The following CRAMP1 variants were observed in gnomAD, a reference collection of about 807,000 sequenced individuals.
The protein encoded by CRAMP1 is cramped chromatin regulator 1.
In CRAMP1, 50 loss-of-function variants were observed where a neutral mutation model predicts 115.4. The ratio of observed to expected loss-of-function variants is 0.43; its 90% CI spans 0.35 to 0.55. CRAMP1 has a LOEUF of 0.55. CRAMP1 is among the 20% of genes least tolerant of loss of function. CRAMP1 has a pLI of 0.01. For missense variants in CRAMP1, 1,679 were observed against 1,721.7 expected (o/e 0.98, Z 0.44); for synonymous variants, 866 against 745.4 (o/e 1.16, Z -2.64).
At chr16:1,640,725 A>T (rs148359951) in intron 5 of CRAMP1, among the ~76,000 whole-genome samples, 2 of 152,310 alleles carry the variant, frequency 1.3e-5, no homozygotes, top group Non-Finnish European at 2.9e-5. Flanking sequence ...TCAACACCGG[A>T]CACTGTCAGT....
chr16:1,666,235 T>TG lies in CRAMP1; in HGVS notation c.2857+59dup, dbSNP rs1355233134. 1 of 1,327,462 alleles carries TG rather than the reference T, an allele frequency of 7.5e-7. No individual in the cohort carries two copies. The highest frequency in any genetic ancestry group is 2.0e-5 in the Admixed American group (1 of 50,656). 82.2% of individuals were successfully genotyped at this position (1,327,462 alleles called of 1,614,324 possible). On this transcript the variant is annotated intron_variant, in intron 15 of 20. Transcript: ENST00000397412. This position sits in a 1 kb window ranked among gnomAD's most constrained non-coding sequence, Gnocchi z 5.0. ...AGTGAGCCTCTGAGGGATGTTTTTG[T>TG]GACCAGGTTTTTTGAATGTTTTCTT...
Position 1,652,598 on chromosome 16 carries a change from C to G in CRAMP1, c.913+17C>G. On this transcript the variant is annotated intron_variant, in intron 7 of 20. Transcript: ENST00000397412. ...ATCCAGATGGTAAGTGAATGGGGCG[C>G]TCCCGGGACCAGAGGCGGTGCCCAT... 1 of 1,549,606 alleles carries G rather than the reference C, an allele frequency of 6.5e-7. No individual in the cohort carries two copies. Among genetic ancestry groups the G allele is most frequent in the Non-Finnish European group, 8.7e-7 (1 of 1,145,160 alleles).
rs2036773193 is a variant in CRAMP1 at position 1,656,313 on chromosome 16, C to T, written c.1556C>T (p.Thr519Ile). The T allele has an allele frequency of 6.2e-7, 1 of 1,611,810 alleles. No individual in the cohort carries two copies. Among genetic ancestry groups the T allele is most frequent in the Non-Finnish European group, 8.5e-7 (1 of 1,179,540 alleles). ...AGGCCTCCTCCCAGGCACCAGGACA[C>T]TGGGCCATGTCTTGAGAAGACCCCT... ...PDRPPPRHQD[T>I]GPCLEKTPAE... The change falls in exon 10 of 21, where the codon ACT becomes ATT. Residue 519 changes from threonine to isoleucine, a missense_variant. By Grantham distance (89) the Thr-to-Ile change is moderately conservative (BLOSUM62 -1). This residue lies in a region of CRAMP1 where 405 missense variants were observed against 302.6 expected (regional missense o/e 1.34). Transcript: ENST00000397412. This position sits in a 1 kb window ranked among gnomAD's most constrained non-coding sequence, Gnocchi z 5.6.
At chr16:1,652,659 G>A (rs561289592) in intron 7 of CRAMP1, 78 bp downstream of exon 7, 228 of 1,302,570 alleles carry the variant, frequency 1.8e-4, no homozygotes, top group Middle Eastern at 2.4e-4. Flanking sequence ...CTGAGCTACC[G>A]GGTTGCTGCC....
chr16:1,643,446 C>T (rs1258715546), intron 6 of CRAMP1, among the ~76,000 whole-genome samples: 1 of 151,860 alleles, frequency 6.6e-6, no homozygotes, highest in Non-Finnish European at 1.5e-5. Flanking sequence ...GAGGCTGAGG[C>T]AGGAGAATCG....
intron 2 of CRAMP1, among the ~76,000 whole-genome samples, chr16:1,616,793 A>T (rs1317488189): frequency 6.6e-6 from 1 of 151,570 alleles, no homozygotes; most frequent in African/African-American, 2.4e-5. Context: ...CATATCCATT[A>T]TCCCACTTTA....
chr16:1,614,575 C>T lies in CRAMP1; in HGVS notation c.-1-64C>T, dbSNP rs533763932. 34 of 1,028,848 alleles carry T rather than the reference C, an allele frequency of 3.3e-5. No individual in the cohort carries two copies. The South Asian group carries it at 1.5e-3, about 47-fold the overall frequency. The allele number at this position is 1,028,848 out of a possible 1,614,324, so 63.7% of individuals were successfully genotyped here. On this transcript the variant is annotated intron_variant, in intron 1 of 20. Transcript: ENST00000397412. The surrounding 1 kb of genome is among the most constrained non-coding windows in gnomAD (Gnocchi z 4.4). ...AACGGCGGCCATGTTGAGAGCGCGT[C>T]GGGGCCGCTAAACTTCCCGGCCTGC...
At chr16:1,620,806 C>A in intron 2 of CRAMP1, 1 of 419,828 alleles carries the variant, frequency 2.4e-6, no homozygotes, top group South Asian at 1.6e-5. Context: ...CGCTGCTTGG[C>A]TTTCAGAGCT....
intron 8 of CRAMP1, among the ~76,000 whole-genome samples, chr16:1,655,012 T>G (rs906918437): frequency 2.6e-5 from 4 of 152,248 alleles, no homozygotes; most frequent in Admixed American, 2.0e-4. Context: ...TTTCTTTAGC[T>G]CTGTGTGAAT....
In CRAMP1 at chr16:1,676,298, G is replaced by A. The variant is rs2036967219; in HGVS notation, c.*2253G>A. Reference sequence around the variant, plus strand: ...CAGTGGGGAGATGGGTTAGGGAGGAGGACGGGCTGACTCCTCTCCTGTAAT... The same window carrying A: ...CAGTGGGGAGATGGGTTAGGGAGGAAGACGGGCTGACTCCTCTCCTGTAAT... On this transcript the variant is annotated 3_prime_UTR_variant, in exon 21 of 21. Transcript: ENST00000397412. 6.6e-6 allele frequency: 1 copy of A among 152,388 alleles called. No individual in the cohort carries two copies. Among genetic ancestry groups the A allele is most frequent in the African/African-American group, 2.4e-5 (1 of 41,300 alleles). 9.4% of individuals were successfully genotyped at this position (152,388 alleles called of 1,614,324 possible). A position where few individuals can be genotyped will look rare whatever the true frequency, so the allele number is the denominator to read the frequency against.
At chr16:1,642,519 G>C (rs1384956252) in intron 6 of CRAMP1, among the ~76,000 whole-genome samples, 2 of 152,168 alleles carry the variant, frequency 1.3e-5, no homozygotes, top group Non-Finnish European at 2.9e-5. Context: ...CCATAGGGAG[G>C]GTGTTCACCG....
In CRAMP1 at chr16:1,662,689, G is replaced by A; in HGVS notation, c.2595+18G>A. The A allele has an allele frequency of 6.2e-7, 1 of 1,613,806 alleles. No individual in the cohort carries two copies. Among genetic ancestry groups the A allele is most frequent in the Non-Finnish European group, 8.5e-7 (1 of 1,179,814 alleles). On this transcript the variant is annotated intron_variant, in intron 12 of 20. Transcript: ENST00000397412. ...CCATCAGTGTGAGTGTGTGGGGCCG[G>A]GCCGCCCGCGTGCGAGCGTCCCCGT...
rs772474983 is a variant in CRAMP1, at chr16:1,669,095, C to T, written c.3429C>T (p.Ile1143=). ...CCAGCAGCCCCCAGCCACACTGGAT[C>T]GCCTCTCCCACCCACGACCCCCAGT... is the stretch of plus-strand genomic sequence containing the variant. ...SPSSSPQPHW[I]ASPTHDPQWY... is the part of the protein sequence containing the mutation. Residue 1143 remains isoleucine, a synonymous_variant, in exon 19 of 21, where the codon ATC becomes ATT. Coordinates refer to ENST00000397412, the MANE Select transcript of CRAMP1 (RefSeq NM_020825.4). The surrounding 1 kb of genome is among the most constrained non-coding windows in gnomAD (Gnocchi z 4.6). 1.1e-5 allele frequency: 17 copies of T among 1,611,530 alleles called. No individual in the cohort carries two copies. Among genetic ancestry groups the T allele is most frequent in the Middle Eastern group, 1.6e-4 (1 of 6,076 alleles).
chr16:1,652,753 C>T (rs1415902064), intron 7 of CRAMP1, among the ~76,000 whole-genome samples, 172 bp downstream of exon 7: 3 of 152,232 alleles, frequency 2.0e-5, no homozygotes, highest in Admixed American at 1.3e-4. Flanking sequence ...TACGACCACT[C>T]AGTCAAGTTG....
At chr16:1,622,753 C>CT (rs936343370) in intron 2 of CRAMP1, among the ~76,000 whole-genome samples, 3,139 of 129,258 alleles carry the variant, frequency 0.024, 132 homozygotes, top group African/African-American at 0.074. Flanking sequence ...CGGCAGTCTA[C>CT]TTTTTTTTTT....
intron 9 of CRAMP1, 36 bp downstream of exon 9, chr16:1,655,336 G>C (rs981578349): frequency 4.5e-6 from 7 of 1,554,744 alleles, no homozygotes; most frequent in Non-Finnish European, 6.2e-6. Context: ...CATCCAGGCT[G>C]CGCTGCCTCT....
At position 1,656,640 on chromosome 16, in the gene CRAMP1, G is replaced by T. The variant is rs1447871763; in HGVS notation, c.1883G>T (p.Cys628Phe). ...RPGPGLLLDVCTKDLADAPAE... is the reference protein window; with the variant it reads ...RPGPGLLLDVFTKDLADAPAE... ...GGCCCCGGGCTCCTGCTGGATGTTT[G>T]CACTAAAGACTTGGCAGATGCACCT... Residue 628 changes from cysteine (C) to phenylalanine (F), a missense_variant, in exon 10 of 21, where the codon TGC becomes TTC. Physicochemically the swap from Cys to Phe is radical, Grantham distance 205 (BLOSUM62 -2). Coordinates refer to ENST00000397412, the MANE Select transcript of CRAMP1 (RefSeq NM_020825.4). This position sits in a 1 kb window ranked among gnomAD's most constrained non-coding sequence, Gnocchi z 5.6. 3.8e-6 allele frequency: 6 copies of T among 1,579,114 alleles called. No individual in the cohort carries two copies. The African/African-American group carries it at 4.0e-5, about 11-fold the overall frequency.
chr16:1,664,569 A>G (rs1404176167), intron 13 of CRAMP1, among the ~76,000 whole-genome samples: 3 of 152,200 alleles, frequency 2.0e-5, no homozygotes, highest in African/African-American at 7.2e-5. Context: ...ACCTGAGGTC[A>G]GGAGTTCAAG....
intron 13 of CRAMP1, among the ~76,000 whole-genome samples, chr16:1,664,151 GAC>G (rs2036855349): frequency 6.6e-6 from 1 of 152,242 alleles, no homozygotes. Context: ...AAGCGCCTCA[GAC>G]ACTTGTAGGT....
Sources: gnomAD v4.1 joint callset for allele counts (sites outside exome capture counted in the v4.1 genomes callset) on GRCh38, gnomAD v4.1.1 for gene constraint, gnomAD v4.1.1 regional missense constraint, Gnocchi (gnomAD v3.1) non-coding constraint, MANE v1.5 for transcripts, NCBI Gene and HGNC (gene_info 2026-07-23, HGNC 2026-07-21) for gene names.